The following HIC2 variants were observed in gnomAD, a reference collection of about 807,000 sequenced individuals.
HIC2 encodes the protein hypermethylated in cancer 2 protein.
HIC2 carries 2 observed loss-of-function variants against 39.5 expected under a neutral mutation model. The ratio of observed to expected loss-of-function variants is 0.05; its 90% CI spans 0.02 to 0.16. The LOEUF (loss-of-function observed/expected upper bound fraction) is 0.16, where lower values mean the gene tolerates loss of function less well. Among genes scored for constraint, HIC2 ranks in the 10% least tolerant of loss-of-function variants. The pLI is 1.00. For missense variants in HIC2, 713 were observed against 863.5 expected, an observed-to-expected ratio of 0.83 and a Z score of 2.18; for synonymous variants, 399 against 368.8, an observed-to-expected ratio of 1.08 and a Z score of -0.94.
At chr22:21,443,788 C>G (rs1392211084) in intron 2 of HIC2, among the ~76,000 whole-genome samples, 1 of 152,116 alleles carries the variant, frequency 6.6e-6, no homozygotes, top group African/African-American at 2.4e-5. Context: ...GGGAGTACTG[C>G]GTTTTGTACT....
Position 21,446,078 on chromosome 22 carries a change from T to C in HIC2, c.1183T>C (p.Cys395Arg), listed in dbSNP as rs1395172684. ...SGPYGEPPYP[C>R]KEEEENGKDA... ...GCCCTATGGGGAGCCCCCCTACCCC[T>C]GCAAGGAGGAGGAGGAGAACGGCAA... The change falls in exon 3 of 3, where the codon TGC (cysteine) becomes CGC (arginine). Residue 395 changes from cysteine to arginine, a missense_variant. Transcript: ENST00000407464. 4.4e-6 allele frequency: 7 copies of C among 1,607,534 alleles called. No homozygotes were observed. The South Asian group carries it at 7.7e-5, about 18-fold the overall frequency.
chr22:21,449,414 CAAAG>C lies in HIC2; in HGVS notation c.*2675_*2678del, dbSNP rs367613130. On this transcript the variant is annotated 3_prime_UTR_variant, in exon 3 of 3. Coordinates refer to ENST00000407464, the MANE Select transcript of HIC2 (RefSeq NM_015094.3). The stretch of plus-strand genomic sequence containing the variant: ...TATCATGTAGGAAAGAGAGGATAAA[CAAAG>C]AAAAAAGAAAAAAAAATAAGCTCAT... 5.3e-5 allele frequency: 8 copies of C among 150,706 alleles called. No homozygotes were observed. The highest frequency in any genetic ancestry group is 2.0e-4 in the Admixed American group (3 of 15,098). The allele number at this position is 150,706 out of a possible 1,614,324, so 9.3% of individuals were successfully genotyped here.
At chr22:21,426,067 G>C (rs1165212298) in intron 1 of HIC2, among the ~76,000 whole-genome samples, 1 of 152,084 alleles carries the variant, frequency 6.6e-6, no homozygotes, top group Non-Finnish European at 1.5e-5. Flanking sequence ...GGCTGGTCTT[G>C]AACTCCTGAC....
In HIC2 at chr22:21,447,801, CGTATGTGT is replaced by C. The variant is rs1225549159; in HGVS notation, c.*1061_*1068del. On this transcript the variant is annotated 3_prime_UTR_variant, in exon 3 of 3. Transcript: ENST00000407464. ...GCGTGCGTGTGTGTGTGTGTATGTG[CGTATGTGT>C]GTGTCTATGTGTGGTGTGTGCCGTA... 5.9e-4 allele frequency: 90 copies of C among 152,242 alleles called. 1 individual carries two copies. The highest frequency in any genetic ancestry group is 4.0e-4 in the Non-Finnish European group (27 of 67,984). 9.4% of individuals were successfully genotyped at this position (152,242 alleles called of 1,614,324 possible).
At chr22:21,426,475 T>G (rs1362407035) in intron 1 of HIC2, among the ~76,000 whole-genome samples, 2 of 150,052 alleles carry the variant, frequency 1.3e-5, no homozygotes, top group African/African-American at 2.4e-5. Flanking sequence ...CATAGCAACT[T>G]TGTTTTTTTT....
intron 2 of HIC2, among the ~76,000 whole-genome samples, chr22:21,443,796 A>T (rs1342989741): frequency 6.6e-6 from 1 of 152,054 alleles, no homozygotes; most frequent in East Asian, 1.9e-4. Context: ...TGCGTTTTGT[A>T]CTGGGGAGTT....
rs1192706935 is a variant in HIC2 at position 21,433,536 on chromosome 22, CAGCTAGCT to C, written c.-73-9214_-73-9207del. Among the ~76,000 whole-genome samples the C allele has an allele frequency of 4.1e-3, 9 of 2,172 alleles. 4 individuals carry two copies. The highest frequency in any genetic ancestry group is 0.5 in the Middle Eastern group (2 of 4). The allele number at this position is 2,172 out of a possible 152,430, so 1.4% of individuals were successfully genotyped here. On this transcript the variant is annotated intron_variant, in intron 1 of 2. Transcript: ENST00000407464. ...TACCTTGGGTGAGTTTTTGGGCCCA[CAGCTAGCT>C]AGCTAGCTTGTTGGCTTTATTTATT...
Position 21,445,583 on chromosome 22 carries a change from TGCA to T in HIC2, c.698_700del (p.Ser233del), listed in dbSNP as rs748013292. On this transcript the variant is annotated inframe_deletion, in exon 3 of 3. Transcript: ENST00000407464. Reference sequence around the variant, plus strand: ...TGGCGGGGAGGCGGGTCTGGGGGGCTGCAGCAGCAGCACCAACGGGAGCAGCGG... The same window carrying T: ...TGGCGGGGAGGCGGGTCTGGGGGGCTGCAGCAGCACCAACGGGAGCAGCGG... 7.3e-4 allele frequency: 1,163 copies of T among 1,586,292 alleles called. No homozygotes were observed. The highest frequency in any genetic ancestry group is 9.2e-4 in the Non-Finnish European group (1,075 of 1,168,154).
intron 1 of HIC2, among the ~76,000 whole-genome samples, chr22:21,418,019 G>A (rs1397330957): frequency 1.4e-5 from 2 of 147,342 alleles, no homozygotes; most frequent in Non-Finnish European, 3.0e-5. Context: ...GCGATTTCCA[G>A]GACTGCGGTC....
In HIC2 at chr22:21,450,862, A is replaced by C. The variant is rs1209313975; in HGVS notation, c.*4119A>C. 2 of 152,404 alleles carry C rather than the reference A, an allele frequency of 1.3e-5. No homozygotes were observed. The highest frequency in any genetic ancestry group is 2.9e-5 in the Non-Finnish European group (2 of 67,928). The allele number at this position is 152,404 out of a possible 1,614,324, so 9.4% of individuals were successfully genotyped here. A position where few individuals can be genotyped will look rare whatever the true frequency, so the allele number is the denominator to read the frequency against. ...TTCCTAGGATGCCCCGGCTTCAGTC[A>C]CCCCACTTTAACTTTCTACCAGGAC... is the stretch of plus-strand genomic sequence containing the variant. On this transcript the variant is annotated 3_prime_UTR_variant, in exon 3 of 3. Transcript: ENST00000407464.
rs776924163 is a variant in HIC2 at position 21,446,671 on chromosome 22, G to T, written c.1776G>T (p.Gln592His). ...CGGGCGAGAAACCTTACGAGTGCCA[G>T]CTGTGCGGGGGCAAGTTCACCCAGC... is the stretch of plus-strand genomic sequence containing the variant. ...VHSGEKPYEC[Q>H]LCGGKFTQQR... Residue 592 changes from glutamine (Q) to histidine (H), a missense_variant, in exon 3 of 3, where the codon CAG (glutamine) becomes CAT (histidine). Transcript: ENST00000407464. 1 of 1,613,776 alleles carries T rather than the reference G, an allele frequency of 6.2e-7. No homozygotes were observed. The highest frequency in any genetic ancestry group is 8.5e-7 in the Non-Finnish European group (1 of 1,179,960).
Position 21,445,454 on chromosome 22 carries a change from G to GC in HIC2, c.565dup (p.Gln189ProfsTer12). The stretch of plus-strand genomic sequence containing the variant: ...CGTGGATGGGCGCAAGGGGGCCCAC[G>GC]CCCCCCAGGAGCTCCCCCAAGCCAA... On this transcript the variant is annotated frameshift_variant, in exon 3 of 3. Transcript: ENST00000407464. LOFTEE classifies it high-confidence loss of function. The GC allele has an allele frequency of 2.0e-6, 3 of 1,536,652 alleles. No individual in the cohort carries two copies. Among genetic ancestry groups the GC allele is most frequent in the Non-Finnish European group, 1.7e-6 (2 of 1,148,132 alleles).
In HIC2 at chr22:21,446,842, C is replaced by G. The variant is rs1033502314; in HGVS notation, c.*99C>G. The G allele has an allele frequency of 6.8e-7, 1 of 1,470,304 alleles. No homozygotes were observed. The highest frequency in any genetic ancestry group is 9.0e-7 in the Non-Finnish European group (1 of 1,108,626). The allele number at this position is 1,470,304 out of a possible 1,614,324, so 91.1% of individuals were successfully genotyped here. On this transcript the variant is annotated 3_prime_UTR_variant, in exon 3 of 3. Transcript: ENST00000407464. ...AGCAGCAGGGGCAAGACCCTGGGTC[C>G]AGTGGAGGCTCCGGGTGGCCCCTCT...
In HIC2 at chr22:21,446,953, T is replaced by C. The variant is rs1923880911; in HGVS notation, c.*210T>C. ...GAGGGAAGCCAGGGGTCCCAGCCCGTCTACCTCCCCATCCCACCCAGGCCC... is the reference window on the plus strand; with the variant it reads ...GAGGGAAGCCAGGGGTCCCAGCCCGCCTACCTCCCCATCCCACCCAGGCCC... On this transcript the variant is annotated 3_prime_UTR_variant, in exon 3 of 3. Coordinates refer to ENST00000407464, the MANE Select transcript of HIC2 (RefSeq NM_015094.3). 1 of 699,588 alleles carries C rather than the reference T, an allele frequency of 1.4e-6. No individual in the cohort carries two copies. 43.3% of individuals were successfully genotyped at this position (699,588 alleles called of 1,614,324 possible). A position where few individuals can be genotyped will look rare whatever the true frequency, so the allele number is the denominator to read the frequency against.
In HIC2 at chr22:21,445,526, G is replaced by A. The variant is rs766099957; in HGVS notation, c.631G>A (p.Val211Met). The A allele has an allele frequency of 1.4e-5, 22 of 1,600,890 alleles. No individual in the cohort carries two copies. The highest frequency in any genetic ancestry group is 5.6e-5 in the South Asian group (5 of 90,038). ...LFLGGSNQDS[V>M]QGLGRAVCPA... ...TCTTGGTGGCTCTAACCAGGATAGCGTGCAAGGTCTGGGCCGGGCTGTCTG... is the reference window on the plus strand; with the variant it reads ...TCTTGGTGGCTCTAACCAGGATAGCATGCAAGGTCTGGGCCGGGCTGTCTG... Residue 211 changes from valine (V) to methionine (M), a missense_variant, in exon 3 of 3, where the codon GTG becomes ATG. Physicochemically the swap from Val to Met is conservative, Grantham distance 21. Around this residue, in one of 5 missense-constraint regions of HIC2, gnomAD observed 457 missense variants for 420.2 expected, o/e 1.09. Transcript: ENST00000407464.
In HIC2 at chr22:21,446,386, C is replaced by G; in HGVS notation, c.1491C>G (p.Ala497=). ...EAEDLSAPSA[A]YTAEPRPFKC... ...AGGACCTGTCAGCACCCAGTGCGGC[C>G]TACACGGCTGAGCCCCGGCCCTTCA... Residue 497 remains alanine, a synonymous_variant, in exon 3 of 3, where the codon GCC becomes GCG. Coordinates refer to ENST00000407464, the MANE Select transcript of HIC2 (RefSeq NM_015094.3). 6.2e-7 allele frequency: 1 copy of G among 1,612,484 alleles called. No individual in the cohort carries two copies. The highest frequency in any genetic ancestry group is 8.5e-7 in the Non-Finnish European group (1 of 1,180,028).
chr22:21,445,392 C>G lies in HIC2; in HGVS notation c.497C>G (p.Ser166Cys). 1 of 1,542,822 alleles carries G rather than the reference C, an allele frequency of 6.5e-7. No individual in the cohort carries two copies. The highest frequency in any genetic ancestry group is 8.7e-7 in the Non-Finnish European group (1 of 1,146,856). ...MGRPPRSQRL[S>C]TASVIQARYQ... is the part of the protein sequence containing the mutation. ...CGGCCCCCCCGCAGCCAGCGGCTGT[C>G]CACGGCCTCTGTCATCCAAGCTCGG... Residue 166 changes from serine to cysteine, a missense_variant, in exon 3 of 3, where the codon TCC (serine) becomes TGC (cysteine). Around this residue, in one of 5 missense-constraint regions of HIC2, gnomAD observed 457 missense variants for 420.2 expected, o/e 1.09. Transcript: ENST00000407464.
At position 21,450,223 on chromosome 22, in the gene HIC2, G is replaced by C. The variant is rs1369508269; in HGVS notation, c.*3480G>C. 5.9e-5 allele frequency: 1 copy of C among 16,964 alleles called. No individual in the cohort carries two copies. The highest frequency in any genetic ancestry group is 1.3e-4 in the Non-Finnish European group (1 of 7,944). 1.1% of individuals were successfully genotyped at this position (16,964 alleles called of 1,614,324 possible). A position where few individuals can be genotyped will look rare whatever the true frequency, so the allele number is the denominator to read the frequency against. On this transcript the variant is annotated 3_prime_UTR_variant, in exon 3 of 3. Transcript: ENST00000407464. ...CGAGCCCCAGCAAGGGCTCCTCCAG[G>C]ATTGCAAAAAAAAAAGGAAGAGAAA...
At position 21,449,938 on chromosome 22, in the gene HIC2, C is replaced by G. The variant is rs997307788; in HGVS notation, c.*3195C>G. ...GGGATGGGTTGATGCGAGGGTCCCA[C>G]TCAAGCCAAAAAGCCGGGACCTTTG... On this transcript the variant is annotated 3_prime_UTR_variant, in exon 3 of 3. Transcript: ENST00000407464. 6 of 152,638 alleles carry G rather than the reference C, an allele frequency of 3.9e-5. No homozygotes were observed. 9.5% of individuals were successfully genotyped at this position (152,638 alleles called of 1,614,324 possible). A position where few individuals can be genotyped will look rare whatever the true frequency, so the allele number is the denominator to read the frequency against.
Sources: gnomAD v4.1 joint callset for allele counts (sites outside exome capture counted in the v4.1 genomes callset) on GRCh38, gnomAD v4.1.1 for gene constraint, gnomAD v4.1.1 regional missense constraint, MANE v1.5 for transcripts, NCBI Gene and HGNC (gene_info 2026-07-23, HGNC 2026-07-21) for gene names.